ARNT2: variants seen among roughly 807,000 people sequenced by gnomAD.
The protein encoded by ARNT2 is ARNT protein 2.
In ARNT2, 36 loss-of-function variants were observed where a neutral mutation model predicts 91.7. That is an observed-to-expected ratio of 0.39 (90% CI 0.30 to 0.52). The LOEUF (loss-of-function observed/expected upper bound fraction) is 0.52, where lower values mean the gene tolerates loss of function less well. Among genes scored for constraint, ARNT2 ranks in the 20% least tolerant of loss-of-function variants. The pLI, the probability that ARNT2 is intolerant of heterozygous loss-of-function variation, is 0.72. For synonymous variants in ARNT2, 365 were observed against 347.1 expected (o/e 1.05, Z -0.57); for missense variants, 775 against 939.3 (o/e 0.83, Z 2.29).
chr15:80,455,772 A>G (rs1282185644), intron 2 of ARNT2, among the ~76,000 whole-genome samples: 1 of 152,220 alleles, frequency 6.6e-6, no homozygotes, highest in Non-Finnish European at 1.5e-5. Context: ...AGGAGTACTG[A>G]CAATCACACT....
chr15:80,551,802 A>T (rs1348774579), intron 9 of ARNT2, among the ~76,000 whole-genome samples: 2 of 151,940 alleles, frequency 1.3e-5, no homozygotes, highest in African/African-American at 4.8e-5. Flanking sequence ...GACCCAACTA[A>T]AATGTCTCCC....
At chr15:80,437,690 G>A (rs902413233) in intron 1 of ARNT2, among the ~76,000 whole-genome samples, 85 of 152,236 alleles carry the variant, frequency 5.6e-4, no homozygotes, top group African/African-American at 1.9e-3. Context: ...ACAACTGCCG[G>A]CTTCTGTTCC....
intron 1 of ARNT2, among the ~76,000 whole-genome samples, chr15:80,431,172 C>T (rs1204840492): frequency 1.3e-5 from 2 of 152,170 alleles, no homozygotes; most frequent in South Asian, 2.1e-4. Flanking sequence ...GAATCCTGAA[C>T]CTTACATTTT....
At chr15:80,491,659 G>A (rs141373115) in intron 5 of ARNT2, among the ~76,000 whole-genome samples, 1 of 152,262 alleles carries the variant, frequency 6.6e-6, no homozygotes, top group East Asian at 1.9e-4. Flanking sequence ...TATATAGAAA[G>A]ACTGTTCTGG....
Position 80,593,805 on chromosome 15 carries a change from C to G in ARNT2, c.*107C>G. ...CCCTGCTTGCCCTGCCGCAGGCCCCCCACCAGAAGCCATCTCCCCCGCTGT... is the reference window on the plus strand; with the variant it reads ...CCCTGCTTGCCCTGCCGCAGGCCCCGCACCAGAAGCCATCTCCCCCGCTGT... On this transcript the variant is annotated 3_prime_UTR_variant, in exon 19 of 19. Coordinates refer to ENST00000303329, the MANE Select transcript of ARNT2 (RefSeq NM_014862.4). 1 of 988,928 alleles carries G rather than the reference C, an allele frequency of 1.0e-6. No homozygotes were observed. Among genetic ancestry groups the G allele is most frequent in the Non-Finnish European group, 1.5e-6 (1 of 659,146 alleles). The allele number at this position is 988,928 out of a possible 1,614,324, so 61.3% of individuals were successfully genotyped here.
At chr15:80,573,878 G>T (rs1249919575) in intron 12 of ARNT2, among the ~76,000 whole-genome samples, 4 of 152,198 alleles carry the variant, frequency 2.6e-5, no homozygotes, top group Admixed American at 2.0e-4. Flanking sequence ...TAAAGTATTT[G>T]TTCTGCGGTA....
intron 10 of ARNT2, among the ~76,000 whole-genome samples, chr15:80,553,978 T>G (rs1395312751): frequency 1.3e-5 from 2 of 152,220 alleles, no homozygotes; most frequent in East Asian, 3.8e-4. Flanking sequence ...ATTTATCTAG[T>G]GGCACCTCCC....
intron 4 of ARNT2, among the ~76,000 whole-genome samples, chr15:80,470,744 T>C (rs1896721578): frequency 6.6e-6 from 1 of 152,248 alleles, no homozygotes. Context: ...TGTGCTGATA[T>C]GATCAGCCTA....
At chr15:80,466,020 A>G (rs1896647327) in intron 3 of ARNT2, among the ~76,000 whole-genome samples, 1 of 152,190 alleles carries the variant, frequency 6.6e-6, no homozygotes, top group Non-Finnish European at 1.5e-5. Context: ...GACTGGAAGT[A>G]TGCTCCAGGT....
Position 80,589,770 on chromosome 15 carries a change from A to G in ARNT2, c.1919-1798A>G, listed in dbSNP as rs185180149. On this transcript the variant is annotated intron_variant, in intron 17 of 18. Coordinates refer to ENST00000303329, the MANE Select transcript of ARNT2 (RefSeq NM_014862.4). ...AAGCCAATTAATGAGGCCAGTCGACACGATTCTATGAAAGAGTTCCTCCTG... is the reference window on the plus strand; with the variant it reads ...AAGCCAATTAATGAGGCCAGTCGACGCGATTCTATGAAAGAGTTCCTCCTG... 1.2e-4 allele frequency among the ~76,000 whole-genome samples: 19 copies of G among 152,330 alleles called. No individual in the cohort carries two copies. In the East Asian group the frequency reaches 3.7e-3, roughly 29 times the overall value.
At chr15:80,554,378 C>T (rs1460325791) in intron 10 of ARNT2, among the ~76,000 whole-genome samples, 2 of 152,154 alleles carry the variant, frequency 1.3e-5, no homozygotes, top group East Asian at 1.9e-4. Flanking sequence ...CATTGCACTC[C>T]AGCCTGGGGG....
At chr15:80,518,861 T>C (rs1438136865) in intron 8 of ARNT2, among the ~76,000 whole-genome samples, 2 of 152,134 alleles carry the variant, frequency 1.3e-5, no homozygotes, top group African/African-American at 4.8e-5. Context: ...GAGTAGGTCT[T>C]TGTTATGGAG....
Position 80,470,224 on chromosome 15 carries a change from T to A in ARNT2, c.201T>A (p.Asn67Lys). 6.2e-7 allele frequency: 1 copy of A among 1,613,870 alleles called. No individual in the cohort carries two copies. The highest frequency in any genetic ancestry group is 8.5e-7 in the Non-Finnish European group (1 of 1,179,916). Reference sequence around the variant, plus strand: ...TCTCGTGCTTTCTGGAAAGAGAGAATCATAGTGAAATCGAAAGGCGCAGAC... The same window carrying A: ...TCTCGTGCTTTCTGGAAAGAGAGAAACATAGTGAAATCGAAAGGCGCAGAC... ...GEGPSKFSRE[N>K]HSEIERRRRN... is the part of the protein sequence containing the mutation. The change falls in exon 4 of 19, where the codon AAT becomes AAA. Residue 67 changes from asparagine to lysine, a missense_variant. This residue lies in a region of ARNT2 where 83 missense variants were observed against 149.4 expected (regional missense o/e 0.56). Coordinates refer to ENST00000303329, the MANE Select transcript of ARNT2 (RefSeq NM_014862.4).
At chr15:80,413,610 G>A (rs1895722468) in intron 1 of ARNT2, among the ~76,000 whole-genome samples, 1 of 152,214 alleles carries the variant, frequency 6.6e-6, no homozygotes, top group African/African-American at 2.4e-5. Flanking sequence ...GAGAGCAGCT[G>A]CAGGTGGAAC....
intron 3 of ARNT2, among the ~76,000 whole-genome samples, chr15:80,468,211 T>C (rs1896684909): frequency 6.6e-6 from 1 of 152,034 alleles, no homozygotes; most frequent in African/African-American, 2.4e-5. Context: ...GAGTTATCCT[T>C]TGTGGGTGGG....
At chr15:80,446,698 G>C (rs1896310397) in intron 1 of ARNT2, among the ~76,000 whole-genome samples, 1 of 152,218 alleles carries the variant, frequency 6.6e-6, no homozygotes, top group Admixed American at 6.5e-5. Context: ...TTACTTTATA[G>C]GGTGGATGTA....
chr15:80,412,056 A>G (rs1399244912), intron 1 of ARNT2, among the ~76,000 whole-genome samples: 1 of 152,240 alleles, frequency 6.6e-6, no homozygotes, highest in East Asian at 1.9e-4. Context: ...GAAGGCAGCA[A>G]CAAGGTCAAA....
intron 8 of ARNT2, among the ~76,000 whole-genome samples, chr15:80,518,991 T>C (rs1897488119): frequency 6.6e-6 from 1 of 152,194 alleles, no homozygotes; most frequent in Non-Finnish European, 1.5e-5. Flanking sequence ...GGAAAACCCA[T>C]GAAAGTGTGG....
At chr15:80,508,049 CTTGTCCTCAT>C (rs1462803523) in intron 5 of ARNT2, 97 bp from the exon 6 acceptor site, 1 of 1,033,086 alleles carries the variant, frequency 9.7e-7, no homozygotes, top group Non-Finnish European at 1.5e-6. Context: ...CACAGCCACA[CTTGTCCTCAT>C]TTGGCAGAGC....
Sources: allele counts gnomAD v4.1 joint callset (sites outside exome capture counted in the v4.1 genomes callset), GRCh38; gene constraint gnomAD v4.1.1; regional missense constraint gnomAD v4.1.1; transcripts MANE v1.5; gene names NCBI Gene and HGNC (gene_info 2026-07-23, HGNC 2026-07-21).